PTPRD: variants seen among roughly 807,000 people sequenced by gnomAD.
PTPRD encodes receptor-type tyrosine-protein phosphatase delta.
PTPRD carries 34 observed loss-of-function variants against 214.5 expected under a neutral mutation model. The ratio of observed to expected loss-of-function variants is 0.16; its 90% CI spans 0.12 to 0.21. The LOEUF (loss-of-function observed/expected upper bound fraction) is 0.21, where lower values mean the gene tolerates loss of function less well. PTPRD is among the 10% of genes least tolerant of loss of function. The pLI is 1.00. For synonymous variants in PTPRD, 1,128 were observed against 845.7 expected, an observed-to-expected ratio of 1.33 and a Z score of -5.79; for missense variants, 2,545 against 2,398.7, an observed-to-expected ratio of 1.06 and a Z score of -1.27.
chr9:8,399,378 T>G (rs546489761), intron 36 of PTPRD, among the ~76,000 whole-genome samples: 4 of 152,264 alleles, frequency 2.6e-5, no homozygotes, highest in African/African-American at 7.2e-5. Flanking sequence ...CTCTATGTTT[T>G]CAAGTGGGGT....
intron 39 of PTPRD, among the ~76,000 whole-genome samples, chr9:8,360,347 T>C (rs974125958): frequency 3.9e-5 from 6 of 152,220 alleles, no homozygotes; most frequent in Admixed American, 6.5e-5. Flanking sequence ...AATCTGCTAA[T>C]CATTGGTCAT....
In PTPRD at chr9:8,930,640, T is replaced by A. The variant is rs192524910; in HGVS notation, c.-104+88057A>T. ...CAGCACCTGTTGTTTCCTGACTTTT[T>A]AATGATCACCATTCTAACTGGTGTG... On this transcript the variant is annotated intron_variant, in intron 11 of 45. Coordinates refer to ENST00000381196, the MANE Select transcript of PTPRD (RefSeq NM_002839.4). 4.7e-4 allele frequency among the ~76,000 whole-genome samples: 72 copies of A among 152,332 alleles called. 1 individual carries two copies. In the East Asian group the frequency reaches 0.011, roughly 24 times the overall value.
At chr9:8,372,505 C>CATAA (rs754196096) in intron 39 of PTPRD, among the ~76,000 whole-genome samples, 1 of 152,038 alleles carries the variant, frequency 6.6e-6, no homozygotes, top group Non-Finnish European at 1.5e-5. Flanking sequence ...TGTCCAAAGG[C>CATAA]ATACAGCCAG....
chr9:10,388,806 A>T (rs1049868122), intron 2 of PTPRD, among the ~76,000 whole-genome samples: 4 of 151,816 alleles, frequency 2.6e-5, no homozygotes, highest in African/African-American at 9.7e-5. Flanking sequence ...AGGAAGTGTG[A>T]GGAATAGAGG....
chr9:9,599,080 T>C (rs2093572126), intron 7 of PTPRD, among the ~76,000 whole-genome samples: 1 of 152,050 alleles, frequency 6.6e-6, no homozygotes, highest in South Asian at 2.1e-4. Flanking sequence ...CACATCATAA[T>C]AAGATCTTAG....
In PTPRD at chr9:9,097,390, C is replaced by A. The variant is rs538390191; in HGVS notation, c.-142-78655G>T. Among the ~76,000 whole-genome samples the A allele has an allele frequency of 1.0e-3, 153 of 150,984 alleles. 1 individual carries two copies. The highest frequency in any genetic ancestry group is 3.6e-3 in the African/African-American group (150 of 41,162). ...GTTTAAAGAGGCCACAGGTTAGTAG[C>A]ACACCATGGCTCTTTTTTTTTTTTT... is the stretch of plus-strand genomic sequence containing the variant. On this transcript the variant is annotated intron_variant, in intron 10 of 45. Coordinates refer to ENST00000381196, the MANE Select transcript of PTPRD (RefSeq NM_002839.4).
chr9:10,068,320 A>G (rs949478463), intron 3 of PTPRD, among the ~76,000 whole-genome samples: 1 of 151,922 alleles, frequency 6.6e-6, no homozygotes, highest in Non-Finnish European at 1.5e-5. Flanking sequence ...GAAAATGAAT[A>G]TAATAACCCC....
At chr9:9,552,688 C>T (rs185885804) in intron 8 of PTPRD, among the ~76,000 whole-genome samples, 40 of 152,118 alleles carry the variant, frequency 2.6e-4, no homozygotes, top group Admixed American at 2.2e-3. Context: ...AGACTAGATT[C>T]CTCGGTTCAA....
chr9:9,467,213 C>CTTTTTTTTT (rs35659936), intron 8 of PTPRD, among the ~76,000 whole-genome samples: 1 of 92,898 alleles, frequency 1.1e-5, no homozygotes, highest in African/African-American at 4.4e-5. Context: ...GTTCATTTAT[C>CTTTTTTTTT]TTTTTTTTTT....
chr9:10,129,115 G>C (rs1291784557), intron 3 of PTPRD, among the ~76,000 whole-genome samples: 1 of 152,108 alleles, frequency 6.6e-6, no homozygotes, highest in African/African-American at 2.4e-5. Flanking sequence ...TATGAATTAA[G>C]AAAGAAAGCG....
At chr9:10,042,016 T>C (rs560114374) in intron 3 of PTPRD, among the ~76,000 whole-genome samples, 78 of 152,132 alleles carry the variant, frequency 5.1e-4, no homozygotes, top group Admixed American at 1.8e-3. Flanking sequence ...CTCAGAAGTA[T>C]TGCTGTTTGG....
At chr9:8,647,188 A>G (rs147968430) in intron 12 of PTPRD, among the ~76,000 whole-genome samples, 5 of 152,292 alleles carry the variant, frequency 3.3e-5, no homozygotes, top group East Asian at 1.9e-4. Flanking sequence ...TCTTTTATGA[A>G]TATCATTCCA....
intron 9 of PTPRD, among the ~76,000 whole-genome samples, chr9:9,258,013 G>A (rs1380639126): frequency 1.3e-5 from 2 of 151,814 alleles, no homozygotes; most frequent in East Asian, 3.9e-4. Context: ...AATATAATTT[G>A]GCTTTTGGCT....
intron 10 of PTPRD, among the ~76,000 whole-genome samples, chr9:9,111,785 T>C (rs541230956): frequency 6.6e-6 from 1 of 152,282 alleles, no homozygotes; most frequent in South Asian, 2.1e-4. Context: ...AAAACATTTT[T>C]TAAAAAAACT....
At chr9:9,560,179 T>C (rs74909951) in intron 8 of PTPRD, among the ~76,000 whole-genome samples, 3,204 of 152,314 alleles carry the variant, frequency 0.021, 46 homozygotes, top group Admixed American at 0.026. Context: ...TACATGACTG[T>C]GGACCTTACT....
At chr9:9,719,612 C>G (rs2097899665) in intron 7 of PTPRD, among the ~76,000 whole-genome samples, 1 of 152,160 alleles carries the variant, frequency 6.6e-6, no homozygotes, top group African/African-American at 2.4e-5. Context: ...AGTTGTAACA[C>G]AAACGGTCTG....
At chr9:9,437,770 C>T (rs2085911687) in intron 8 of PTPRD, among the ~76,000 whole-genome samples, 1 of 152,162 alleles carries the variant, frequency 6.6e-6, no homozygotes, top group Non-Finnish European at 1.5e-5. Flanking sequence ...GCTCTGGGTT[C>T]AAATTTCACA....
At chr9:8,367,619 A>G (rs1195598818) in intron 39 of PTPRD, among the ~76,000 whole-genome samples, 12 of 152,198 alleles carry the variant, frequency 7.9e-5, no homozygotes, top group Non-Finnish European at 8.8e-5. Flanking sequence ...TTTCCGTGTT[A>G]AATATTCCAG....
chr9:9,464,608 C>T (rs145813121), intron 8 of PTPRD, among the ~76,000 whole-genome samples: 17 of 152,148 alleles, frequency 1.1e-4, no homozygotes, highest in African/African-American at 3.9e-4. Context: ...GTTATTCCTG[C>T]TTGGTTTAGT....
Sources: allele counts gnomAD v4.1 joint callset (sites outside exome capture counted in the v4.1 genomes callset), GRCh38; gene constraint gnomAD v4.1.1; transcripts MANE v1.5; gene names NCBI Gene and HGNC (gene_info 2026-07-23, HGNC 2026-07-21).